Variants in GLB1L3 observed in about 807,000 individuals in gnomAD.
The protein encoded by GLB1L3 is beta-galactosidase-1-like protein 3.
GLB1L3 carries 89 observed loss-of-function variants against 89.5 expected under a neutral mutation model. The ratio of observed to expected loss-of-function variants is 0.99; its 90% CI spans 0.84 to 1.19. The LOEUF is 1.19. Among genes scored for constraint, GLB1L3 ranks in the 50% most tolerant of loss-of-function variants. GLB1L3 has a pLI of 0.00. For missense variants in GLB1L3, 812 were observed against 813.3 expected (o/e 1.00, Z 0.02); for synonymous variants, 314 against 312.3 (o/e 1.01, Z -0.06).
intron 15 of GLB1L3, among the ~76,000 whole-genome samples, chr11:134,313,124 GTCC>G (rs1256279464): frequency 6.6e-6 from 1 of 152,220 alleles, no homozygotes; most frequent in African/African-American, 2.4e-5. Flanking sequence ...TCCTGAGCCT[GTCC>G]TCAGCCCCTG....
chr11:134,292,178 G>C lies in GLB1L3; in HGVS notation c.776G>C (p.Gly259Ala). 6.2e-7 allele frequency: 1 copy of C among 1,613,724 alleles called. No homozygotes were observed. The highest frequency in any genetic ancestry group is 1.1e-5 in the South Asian group (1 of 91,008). ...GTGGAGCTTCTCTTGACCTCTGATGGTGAGAAACATGTGCTGAGTGGCCAC... is the reference window on the plus strand; with the variant it reads ...GTGGAGCTTCTCTTGACCTCTGATGCTGAGAAACATGTGCTGAGTGGCCAC... ...GIVELLLTSD[G>A]EKHVLSGHTK... The change falls in exon 8 of 20, where the codon GGT becomes GCT. Residue 259 changes from glycine to alanine, a missense_variant. This residue lies in a region of GLB1L3 where 618 missense variants were observed against 604.0 expected (regional missense o/e 1.02). Coordinates refer to ENST00000431683, the MANE Select transcript of GLB1L3 (RefSeq NM_001080407.3).
rs1161618793 is a variant in GLB1L3 at position 134,314,372 on chromosome 11, G to C, written c.1710G>C (p.Gln570His). Reference protein sequence around the residue: ...ATWKPVPDSHQGPAFYCGTLK... With the variant: ...ATWKPVPDSHHGPAFYCGTLK... ...GGAAGCCTGTCCCAGACAGCCACCA[G>C]GGCCCGGCCTTCTACTGTGGGACCT... is the stretch of plus-strand genomic sequence containing the variant. Residue 570 changes from glutamine to histidine, a missense_variant, in exon 18 of 20, where the codon CAG (glutamine) becomes CAC (histidine). Gln to His is a conservative substitution (Grantham distance 24, BLOSUM62 0). Transcript: ENST00000431683. 2 of 1,551,496 alleles carry C rather than the reference G, an allele frequency of 1.3e-6. No individual in the cohort carries two copies. Among genetic ancestry groups the C allele is most frequent in the African/African-American group, 2.7e-5 (2 of 73,152 alleles).
In GLB1L3 at chr11:134,276,648, ACCGGGGCTCGAGTCCCGGCC is replaced by A. The variant is rs1166102781; in HGVS notation, c.-91_-72del. 1 of 1,169,196 alleles carries A rather than the reference ACCGGGGCTCGAGTCCCGGCC, an allele frequency of 8.6e-7. No homozygotes were observed. The highest frequency in any genetic ancestry group is 1.1e-6 in the Non-Finnish European group (1 of 903,224). 72.4% of individuals were successfully genotyped at this position (1,169,196 alleles called of 1,614,324 possible). A position where few individuals can be genotyped will look rare whatever the true frequency, so the allele number is the denominator to read the frequency against. ...CGCAGACCTGAGCCTGCCCCGCGGA[ACCGGGGCTCGAGTCCCGGCC>A]CGAGCGCGGCGTCGGGGCCAGCGGA... On this transcript the variant is annotated 5_prime_UTR_variant, in exon 1 of 20. Coordinates refer to ENST00000431683, the MANE Select transcript of GLB1L3 (RefSeq NM_001080407.3).
At chr11:134,297,290 GATATC>G (rs1941701097) in intron 9 of GLB1L3, among the ~76,000 whole-genome samples, 1 of 152,016 alleles carries the variant, frequency 6.6e-6, no homozygotes, top group South Asian at 2.1e-4. Context: ...ATTTCTTGTA[GATATC>G]ATATATTTAC....
At chr11:134,276,212 A>T (rs1460293719), upstream of GLB1L3, 3 of 152,508 alleles carry the variant, frequency 2.0e-5, no homozygotes, top group Admixed American at 2.0e-4. Context: ...GCCAAGAGGT[A>T]GCCGTGTCGG....
At chr11:134,284,740 C>T (rs947127376) in intron 6 of GLB1L3, among the ~76,000 whole-genome samples, 4 of 151,472 alleles carry the variant, frequency 2.6e-5, no homozygotes, top group African/African-American at 4.8e-5. Flanking sequence ...AAAAACAAAA[C>T]GAAACAAAAA....
chr11:134,286,053 C>T (rs184716684), intron 6 of GLB1L3, among the ~76,000 whole-genome samples: 57 of 151,896 alleles, frequency 3.8e-4, no homozygotes, highest in Admixed American at 1.6e-3. Context: ...GGATTACAGG[C>T]ACCAACCACC....
At chr11:134,286,265 A>G (rs1940976569) in intron 6 of GLB1L3, among the ~76,000 whole-genome samples, 1 of 152,122 alleles carries the variant, frequency 6.6e-6, no homozygotes, top group Non-Finnish European at 1.5e-5. Context: ...ATAACAAAGG[A>G]AGAATGTGAG....
downstream of GLB1L3, among the ~76,000 whole-genome samples, chr11:134,319,900 C>G (rs1943141341): frequency 6.6e-6 from 1 of 152,080 alleles, no homozygotes; most frequent in Admixed American, 6.5e-5. Context: ...TGGTCATTTG[C>G]TTCAGACACG....
chr11:134,307,131 AGC>A lies in GLB1L3; in HGVS notation c.885_886del (p.Lys295AsnfsTer18). ...GCTTTGGTTTGTTTTTAGAGAGATA[AGC>A]CCCTTCTGATTATGGAATACTGGGT... On this transcript the variant is annotated frameshift_variant, in exon 10 of 20. Coordinates refer to ENST00000431683, the MANE Select transcript of GLB1L3 (RefSeq NM_001080407.3). LOFTEE classifies it high-confidence loss of function. 1 of 1,613,132 alleles carries A rather than the reference AGC, an allele frequency of 6.2e-7. No homozygotes were observed. The highest frequency in any genetic ancestry group is 8.5e-7 in the Non-Finnish European group (1 of 1,179,290).
chr11:134,303,324 T>C (rs888830511), intron 9 of GLB1L3, among the ~76,000 whole-genome samples: 4 of 152,226 alleles, frequency 2.6e-5, no homozygotes, highest in African/African-American at 9.6e-5. Context: ...TTTGGAGCTG[T>C]CAGTCATTCA....
At chr11:134,280,519 T>G (rs2136107559) in intron 3 of GLB1L3, among the ~76,000 whole-genome samples, 1 of 152,332 alleles carries the variant, frequency 6.6e-6, no homozygotes, top group South Asian at 2.1e-4. Context: ...CTTTTTTTGC[T>G]GCTTATTTTC....
chr11:134,281,918 G>A (rs35022697), intron 4 of GLB1L3, 107 bp from the exon 5 acceptor site: 364,809 of 828,038 alleles, frequency 0.44, 59,682 homozygotes, highest in Non-Finnish European at 0.47. Context: ...GGGCCGAGCC[G>A]TCCCTTCGCC....
intron 6 of GLB1L3, among the ~76,000 whole-genome samples, chr11:134,284,135 C>A (rs1304032226): frequency 6.6e-6 from 1 of 152,176 alleles, no homozygotes; most frequent in South Asian, 2.1e-4. Context: ...CCCATTGCTT[C>A]TTTCCACTTT....
intron 13 of GLB1L3, 172 bp from the exon 14 acceptor site, chr11:134,312,177 C>T (rs1352464592): frequency 1.5e-6 from 1 of 655,136 alleles, no homozygotes; most frequent in Non-Finnish European, 2.6e-6. Flanking sequence ...GAGTTTCCTT[C>T]CTGGGCAGTG....
At chr11:134,278,954 T>A (rs1940531852) in intron 3 of GLB1L3, among the ~76,000 whole-genome samples, 1 of 152,246 alleles carries the variant, frequency 6.6e-6, no homozygotes, top group African/African-American at 2.4e-5. Flanking sequence ...TAAACTCTGC[T>A]TGGCTCTGAG....
intron 9 of GLB1L3, among the ~76,000 whole-genome samples, chr11:134,294,284 T>C (rs948081818): frequency 6.6e-5 from 10 of 152,272 alleles, no homozygotes; most frequent in African/African-American, 2.4e-4. Flanking sequence ...GCCAGGTTGG[T>C]CTCAAACTCC....
At position 134,307,206 on chromosome 11, in the gene GLB1L3, A is replaced by G; in HGVS notation, c.959A>G (p.Lys320Arg). ...WGDKHHVKDA[K>R]EVEHAVSEFI... The stretch of plus-strand genomic sequence containing the variant: ...GATAAGCACCATGTTAAAGATGCAA[A>G]GGGTGAGTGTTTTGCAGTGTTTGAC... The change falls in exon 10 of 20, where the codon AAG (lysine) becomes AGG (arginine). Residue 320 changes from lysine to arginine, a missense_variant and splice_region_variant. By Grantham distance (26) the Lys-to-Arg change is conservative. This residue lies in a region of GLB1L3 where 618 missense variants were observed against 604.0 expected (regional missense o/e 1.02). Coordinates refer to ENST00000431683, the MANE Select transcript of GLB1L3 (RefSeq NM_001080407.3). 1 of 1,611,760 alleles carries G rather than the reference A, an allele frequency of 6.2e-7. No homozygotes were observed. Among genetic ancestry groups the G allele is most frequent in the East Asian group, 2.2e-5 (1 of 44,856 alleles).
chr11:134,321,268 C>T (rs1291747856), downstream of GLB1L3, among the ~76,000 whole-genome samples: 2 of 152,198 alleles, frequency 1.3e-5, no homozygotes, highest in East Asian at 3.9e-4. Context: ...GTTGAATATT[C>T]CTAGTTAATA....
Sources: allele counts gnomAD v4.1 joint callset (sites outside exome capture counted in the v4.1 genomes callset), GRCh38; gene constraint gnomAD v4.1.1; regional missense constraint gnomAD v4.1.1; transcripts MANE v1.5; gene names NCBI Gene and HGNC (gene_info 2026-07-23, HGNC 2026-07-21).